Variants in KCNMA1 observed in about 807,000 individuals in gnomAD.
KCNMA1 encodes the protein Calcium-activated potassium channel subunit alpha-1.
A neutral mutation model predicts 140.0 loss-of-function variants in KCNMA1; 29 were observed. The ratio of observed to expected loss-of-function variants is 0.21; its 90% CI spans 0.15 to 0.28. KCNMA1 has a LOEUF of 0.28. Ranked by LOEUF, KCNMA1 falls within the 10% of genes least tolerant of loss-of-function variation. The probability of loss-of-function intolerance (pLI) is 1.00; values close to 1 mark genes in which losing one functional copy is unlikely to be tolerated. For synonymous variants in KCNMA1, 612 were observed against 611.9 expected (o/e 1.00, Z 0.00); for missense variants, 880 against 1,602.2 (o/e 0.55, Z 7.70).
chr10:77,521,667 T>C (rs2053448460), intron 1 of KCNMA1, among the ~76,000 whole-genome samples: 1 of 152,224 alleles, frequency 6.6e-6, no homozygotes, highest in African/African-American at 2.4e-5. Flanking sequence ...AATGTGGGCA[T>C]TATCAATATT....
chr10:77,317,546 C>A (rs576999854), intron 2 of KCNMA1, among the ~76,000 whole-genome samples: 24 of 152,346 alleles, frequency 1.6e-4, no homozygotes, highest in African/African-American at 5.5e-4. Flanking sequence ...AATTTATTAT[C>A]ATAGCCTGGT....
At chr10:77,472,663 A>G (rs1603627307) in intron 1 of KCNMA1, among the ~76,000 whole-genome samples, 2 of 152,274 alleles carry the variant, frequency 1.3e-5, no homozygotes, top group African/African-American at 4.8e-5. Context: ...TGATTTTCCC[A>G]CATCTAAAAA....
intron 1 of KCNMA1, among the ~76,000 whole-genome samples, chr10:77,405,550 A>G (rs2096443593): frequency 6.6e-6 from 1 of 152,346 alleles, no homozygotes; most frequent in Middle Eastern, 3.4e-3. Flanking sequence ...ACTTTTTAGT[A>G]TAAGTATATT....
intron 2 of KCNMA1, among the ~76,000 whole-genome samples, chr10:77,372,096 A>C (rs1455109225): frequency 2.6e-5 from 4 of 152,272 alleles, no homozygotes; most frequent in Non-Finnish European, 5.9e-5. Flanking sequence ...TCCAAAGGGA[A>C]AGTTCTGAAC....
intron 1 of KCNMA1, among the ~76,000 whole-genome samples, chr10:77,633,623 T>G (rs2093442089): frequency 6.6e-6 from 1 of 152,192 alleles, no homozygotes; most frequent in Non-Finnish European, 1.5e-5. Flanking sequence ...TGGGATCTGA[T>G]ATTTATATTA....
At chr10:77,417,056 C>A (rs1292005810) in intron 1 of KCNMA1, among the ~76,000 whole-genome samples, 1 of 152,188 alleles carries the variant, frequency 6.6e-6, no homozygotes, top group African/African-American at 2.4e-5. Context: ...CTGACTGCCA[C>A]ACCTCCGTGC....
chr10:77,409,669 G>T (rs1181287820), intron 1 of KCNMA1, among the ~76,000 whole-genome samples: 1 of 152,158 alleles, frequency 6.6e-6, no homozygotes, highest in African/African-American at 2.4e-5. Context: ...AGCTGCTCTG[G>T]TCTAGCACAG....
Position 77,337,263 on chromosome 10 carries a change from C to G in KCNMA1, c.540+66599G>C, listed in dbSNP as rs371207385. ...TTTAGATGGGAAGACAAATATTTAC[C>G]AAGCATAATATAAGTACTGATGCAG... On this transcript the variant is annotated intron_variant, in intron 2 of 27. Coordinates refer to ENST00000286628, the MANE Select transcript of KCNMA1 (RefSeq NM_001161352.2). Among the ~76,000 whole-genome samples the G allele has an allele frequency of 1.3e-3, 201 of 152,202 alleles. 2 individuals are homozygous for G. In the South Asian group the frequency reaches 0.041, roughly 31 times the overall value.
rs1241641176 is a variant in KCNMA1, at chr10:77,472,461, C to T, written c.379-68438G>A. 7.4e-5 allele frequency among the ~76,000 whole-genome samples: 11 copies of T among 149,570 alleles called. No individual in the cohort carries two copies. In the Admixed American group the frequency reaches 7.4e-4, roughly 10 times the overall value. On this transcript the variant is annotated intron_variant, in intron 1 of 27. Transcript: ENST00000286628. The stretch of plus-strand genomic sequence containing the variant: ...GCACGTCACACACACATCACACACA[C>T]ACAGAGAGCATACATACTAAACACA...
At chr10:77,073,381 G>A (rs1285825354) in intron 13 of KCNMA1, 129 bp from the exon 14 acceptor site, 3 of 908,212 alleles carry the variant, frequency 3.3e-6, no homozygotes, top group South Asian at 1.4e-5. Context: ...TTCCCTTGCT[G>A]CGGTCTGATG....
intron 17 of KCNMA1, among the ~76,000 whole-genome samples, chr10:77,013,707 A>G (rs1426532468): frequency 1.3e-5 from 2 of 152,226 alleles, no homozygotes; most frequent in Non-Finnish European, 2.9e-5. Context: ...AGCATTAAAC[A>G]TATTTGATCC....
At chr10:77,311,344 G>GC (rs1565899914) in intron 2 of KCNMA1, among the ~76,000 whole-genome samples, 1 of 152,110 alleles carries the variant, frequency 6.6e-6, no homozygotes, top group Non-Finnish European at 1.5e-5. Flanking sequence ...AGCCAGTTGG[G>GC]GAGAGCGAAC....
At chr10:77,587,751 A>G (rs1384864105) in intron 1 of KCNMA1, 3 of 985,238 alleles carry the variant, frequency 3.0e-6, no homozygotes, top group African/African-American at 1.7e-5. Flanking sequence ...AGGTGCTTTC[A>G]TGTCTTTTAT....
chr10:77,415,790 C>T (rs1224052430), intron 1 of KCNMA1, among the ~76,000 whole-genome samples: 2 of 152,180 alleles, frequency 1.3e-5, no homozygotes, highest in Non-Finnish European at 2.9e-5. Context: ...GGCAGTGCTG[C>T]CCCTGATGTG....
chr10:76,935,902 C>CT (rs1333870864), intron 23 of KCNMA1, among the ~76,000 whole-genome samples: 1 of 152,198 alleles, frequency 6.6e-6, no homozygotes, highest in Non-Finnish European at 1.5e-5. Context: ...CCAAGAAAGT[C>CT]TTTCATGCAT....
intron 13 of KCNMA1, among the ~76,000 whole-genome samples, chr10:77,076,419 C>T (rs2096398984): frequency 6.6e-6 from 1 of 152,182 alleles, no homozygotes; most frequent in Non-Finnish European, 1.5e-5. Context: ...AGCATGAAAG[C>T]GTTTCTCTCC....
chr10:76,959,183 T>G (rs971516633), intron 20 of KCNMA1, among the ~76,000 whole-genome samples: 1 of 152,138 alleles, frequency 6.6e-6, no homozygotes, highest in Non-Finnish European at 1.5e-5. Context: ...AGACATGCAT[T>G]TGAGGATCAA....
chr10:77,627,054 A>C (rs370133469), intron 1 of KCNMA1, among the ~76,000 whole-genome samples: 2 of 152,022 alleles, frequency 1.3e-5, no homozygotes, highest in East Asian at 3.9e-4. Context: ...CTGTTCAGCA[A>C]AATAGGGGAG....
intron 23 of KCNMA1, among the ~76,000 whole-genome samples, chr10:76,925,762 T>C (rs371772601): frequency 6.6e-6 from 1 of 152,180 alleles, no homozygotes; most frequent in African/African-American, 2.4e-5. Context: ...TTAGTATGAA[T>C]TGATGGCCAG....
Sources: allele counts gnomAD v4.1 joint callset (sites outside exome capture counted in the v4.1 genomes callset), GRCh38; gene constraint gnomAD v4.1.1; transcripts MANE v1.5; gene names NCBI Gene and HGNC (gene_info 2026-07-23, HGNC 2026-07-21).